TBC1D22A: variants seen among roughly 807,000 people sequenced by gnomAD.
The protein encoded by TBC1D22A is putative GTPase activator.
In TBC1D22A, 38 loss-of-function variants were observed where a neutral mutation model predicts 60.2. That is an observed-to-expected ratio of 0.63 (90% CI 0.49 to 0.83). The LOEUF (loss-of-function observed/expected upper bound fraction) is 0.83. Ranked by LOEUF, TBC1D22A falls within the 40% of genes least tolerant of loss-of-function variation. The probability of loss-of-function intolerance (pLI) is 0.00; values close to 1 mark genes in which losing one functional copy is unlikely to be tolerated. For missense variants in TBC1D22A, 628 were observed against 701.0 expected, an observed-to-expected ratio of 0.90 and a Z score of 1.18; for synonymous variants, 302 against 281.7, an observed-to-expected ratio of 1.07 and a Z score of -0.72.
intron 11 of TBC1D22A, among the ~76,000 whole-genome samples, chr22:47,037,992 C>T (rs2148400294): frequency 6.6e-6 from 1 of 152,336 alleles, no homozygotes; most frequent in Non-Finnish European, 1.5e-5. Context: ...TTCAATTCTT[C>T]AGGAGGTTGA....
intron 12 of TBC1D22A, among the ~76,000 whole-genome samples, chr22:47,166,204 C>T (rs2068204619): frequency 6.6e-6 from 1 of 152,058 alleles, no homozygotes; most frequent in Non-Finnish European, 1.5e-5. Context: ...TCAGTGTGCA[C>T]AGAGGGTCCA....
chr22:46,970,252 C>T (rs2073994880), intron 8 of TBC1D22A, among the ~76,000 whole-genome samples: 1 of 151,922 alleles, frequency 6.6e-6, no homozygotes, highest in South Asian at 2.1e-4. Context: ...ACAGCCATGG[C>T]TGTCATTTCA....
rs191038670 is a variant in TBC1D22A, at chr22:47,126,278, G to A, written c.1425+14675G>A. Among the ~76,000 whole-genome samples, 480 of 152,324 alleles carry A rather than the reference G, an allele frequency of 3.2e-3. 6 individuals carry two copies. The highest frequency in any genetic ancestry group is 0.011 in the African/African-American group (456 of 41,572). Reference sequence around the variant, plus strand: ...ATTACAGGCATGAGCCACCGTGCCCGGCCAGATGAAGATGTTTTTTAAGAA... The same window carrying A: ...ATTACAGGCATGAGCCACCGTGCCCAGCCAGATGAAGATGTTTTTTAAGAA... On this transcript the variant is annotated intron_variant, in intron 12 of 12. Coordinates refer to ENST00000337137, the MANE Select transcript of TBC1D22A (RefSeq NM_014346.5).
At chr22:46,817,849 G>A (rs998590260) in intron 4 of TBC1D22A, among the ~76,000 whole-genome samples, 2 of 152,182 alleles carry the variant, frequency 1.3e-5, no homozygotes, top group African/African-American at 4.8e-5. Flanking sequence ...TTCCACAGTG[G>A]TTGAACTAAT....
intron 4 of TBC1D22A, among the ~76,000 whole-genome samples, chr22:46,872,658 C>T (rs2067345961): frequency 6.6e-6 from 1 of 152,152 alleles, no homozygotes; most frequent in African/African-American, 2.4e-5. Context: ...TGGGGGAACC[C>T]TAATGAAACA....
chr22:46,865,594 A>G (rs1170075310), intron 4 of TBC1D22A, among the ~76,000 whole-genome samples: 1 of 152,190 alleles, frequency 6.6e-6, no homozygotes, highest in African/African-American at 2.4e-5. Flanking sequence ...AGTATCCCCA[A>G]GGGAAATGAG....
chr22:46,934,255 A>T (rs2071518490), intron 8 of TBC1D22A, among the ~76,000 whole-genome samples: 1 of 152,236 alleles, frequency 6.6e-6, no homozygotes, highest in South Asian at 2.1e-4. Flanking sequence ...AAAGGACATG[A>T]GAGTTATGTG....
intron 10 of TBC1D22A, among the ~76,000 whole-genome samples, chr22:47,022,715 C>T (rs1273672522): frequency 2.0e-5 from 3 of 152,176 alleles, no homozygotes; most frequent in Non-Finnish European, 2.9e-5. Context: ...AGGGTGGAAA[C>T]TGTGTCTGTT....
chr22:46,800,043 T>A (rs1270131383), intron 4 of TBC1D22A, among the ~76,000 whole-genome samples: 25 of 152,192 alleles, frequency 1.6e-4, no homozygotes, highest in Admixed American at 1.6e-3. Flanking sequence ...TGCACCTCAC[T>A]TTTTAAGGGA....
At chr22:46,768,792 T>C (rs1199927883) in intron 1 of TBC1D22A, among the ~76,000 whole-genome samples, 1 of 151,792 alleles carries the variant, frequency 6.6e-6, no homozygotes, top group Non-Finnish European at 1.5e-5. Context: ...GAGTATGACG[T>C]TTGAAAGTGG....
chr22:47,046,029 C>A (rs1424346134), intron 11 of TBC1D22A, among the ~76,000 whole-genome samples: 1 of 152,166 alleles, frequency 6.6e-6, no homozygotes, highest in Non-Finnish European at 1.5e-5. Context: ...AGGTTCCCGG[C>A]TGTGGGCCCT....
At chr22:47,126,093 C>A (rs1181491320) in intron 12 of TBC1D22A, among the ~76,000 whole-genome samples, 2 of 152,144 alleles carry the variant, frequency 1.3e-5, no homozygotes, top group East Asian at 1.9e-4. Flanking sequence ...GTGAGTCTTC[C>A]GTCTCAGCCT....
intron 11 of TBC1D22A, among the ~76,000 whole-genome samples, chr22:47,081,965 C>G (rs2064484628): frequency 1.3e-5 from 2 of 152,144 alleles, no homozygotes. Flanking sequence ...CAAGACCAGC[C>G]TGGCCAAGGT....
chr22:46,841,022 G>A (rs144715186), intron 4 of TBC1D22A, among the ~76,000 whole-genome samples: 218 of 149,580 alleles, frequency 1.5e-3, no homozygotes, highest in Middle Eastern at 3.4e-3. Context: ...AGTATTCACC[G>A]ATGAATGAAT....
At chr22:47,000,570 G>C (rs558263234) in intron 10 of TBC1D22A, among the ~76,000 whole-genome samples, 4 of 152,308 alleles carry the variant, frequency 2.6e-5, no homozygotes, top group Admixed American at 6.5e-5. Flanking sequence ...GCCTTCGAGG[G>C]TGTGTGCTGG....
chr22:46,940,487 T>TAC lies in TBC1D22A; in HGVS notation c.1015+28309_1015+28310dup, dbSNP rs548835504. 1.4e-3 allele frequency among the ~76,000 whole-genome samples: 200 copies of TAC among 140,326 alleles called. 1 individual carries two copies. Among genetic ancestry groups the TAC allele is most frequent in the Non-Finnish European group, 2.0e-3 (129 of 65,594 alleles). The allele number at this position is 140,326 out of a possible 152,430, so 92.1% of individuals were successfully genotyped here. A position where few individuals can be genotyped will look rare whatever the true frequency, so the allele number is the denominator to read the frequency against. ...ATATATATGTATGTATGTATATATA[T>TAC]ACACACACACAGTCTACCCTTGAAC... On this transcript the variant is annotated intron_variant, in intron 8 of 12. Coordinates refer to ENST00000337137, the MANE Select transcript of TBC1D22A (RefSeq NM_014346.5).
At chr22:46,868,186 A>G (rs1285441287) in intron 4 of TBC1D22A, among the ~76,000 whole-genome samples, 1 of 152,224 alleles carries the variant, frequency 6.6e-6, no homozygotes, top group Non-Finnish European at 1.5e-5. Context: ...TAAGTGTAAG[A>G]AAATGATTGC....
chr22:47,057,681 C>T (rs2063439472), intron 11 of TBC1D22A, among the ~76,000 whole-genome samples: 1 of 152,164 alleles, frequency 6.6e-6, no homozygotes, highest in Admixed American at 6.5e-5. Context: ...CAGGGAGCCG[C>T]CCTTTATAAA....
chr22:47,025,310 A>G (rs1019368697), intron 10 of TBC1D22A, among the ~76,000 whole-genome samples: 3 of 152,234 alleles, frequency 2.0e-5, no homozygotes, highest in Non-Finnish European at 2.9e-5. Context: ...AATTTTGCAC[A>G]TGGAACATTT....
Sources: allele counts gnomAD v4.1 joint callset (sites outside exome capture counted in the v4.1 genomes callset), GRCh38; gene constraint gnomAD v4.1.1; transcripts MANE v1.5; gene names NCBI Gene and HGNC (gene_info 2026-07-23, HGNC 2026-07-21).